TBL1XR1: variants seen among roughly 807,000 people sequenced by gnomAD.
The protein encoded by TBL1XR1 is TBL1X/Y related 1.
TBL1XR1 carries 5 observed loss-of-function variants against 66.9 expected under a neutral mutation model. The observed-to-expected ratio is 0.07, with a 90% CI of 0.04 to 0.16. The LOEUF (loss-of-function observed/expected upper bound fraction) is 0.16. TBL1XR1 is among the 10% of genes least tolerant of loss of function. The pLI, the probability that TBL1XR1 is intolerant of heterozygous loss-of-function variation, is 1.00. For synonymous variants in TBL1XR1, 210 were observed against 206.0 expected (o/e 1.02, Z -0.17); for missense variants, 238 against 623.2 (o/e 0.38, Z 6.58).
At chr3:177,070,170 T>C (rs987492874) in intron 2 of TBL1XR1, among the ~76,000 whole-genome samples, 8 of 152,168 alleles carry the variant, frequency 5.3e-5, no homozygotes, top group African/African-American at 1.9e-4. Context: ...TGAGTCACTT[T>C]GATTTAAGTC....
At chr3:177,120,827 C>CA (rs1221572205) in intron 1 of TBL1XR1, 1 of 152,244 alleles carries the variant, frequency 6.6e-6, no homozygotes, top group African/African-American at 2.4e-5. Context: ...TAATCACTAT[C>CA]ACATAGTGTA....
intron 2 of TBL1XR1, 114 bp from the exon 3 acceptor site, chr3:177,065,136 A>G (rs962925888): frequency 3.3e-6 from 2 of 609,594 alleles, no homozygotes; most frequent in Admixed American, 4.3e-5. Flanking sequence ...AAGGTTCTAC[A>G]TTGCCTAATA....
At chr3:177,064,205 A>G (rs10936927) in intron 3 of TBL1XR1, among the ~76,000 whole-genome samples, 54,535 of 152,078 alleles carry the variant, frequency 0.36, 10,097 homozygotes, top group East Asian at 0.5. Flanking sequence ...CATGACATTT[A>G]AAATCACCAA....
intron 10 of TBL1XR1, among the ~76,000 whole-genome samples, chr3:177,042,879 C>A (rs1325145555): frequency 6.6e-6 from 1 of 151,492 alleles, no homozygotes; most frequent in Non-Finnish European, 1.5e-5. Flanking sequence ...AACCTATGAG[C>A]GAAGAAGGAT....
chr3:177,098,906 A>G (rs1214436809), intron 1 of TBL1XR1, among the ~76,000 whole-genome samples: 1 of 152,244 alleles, frequency 6.6e-6, no homozygotes, highest in African/African-American at 2.4e-5. Flanking sequence ...ATAAACTTGC[A>G]TTCTATATTG....
chr3:177,118,322 C>T (rs1342525369), intron 1 of TBL1XR1, among the ~76,000 whole-genome samples: 3 of 152,206 alleles, frequency 2.0e-5, no homozygotes, highest in African/African-American at 4.8e-5. Context: ...AACAACTATA[C>T]GTCTTTCATG....
chr3:177,184,071 T>C (rs563280225), intron 1 of TBL1XR1, among the ~76,000 whole-genome samples: 1 of 152,262 alleles, frequency 6.6e-6, no homozygotes, highest in East Asian at 1.9e-4. Context: ...CCAAAACAGG[T>C]GCTCCCTTTC....
intron 2 of TBL1XR1, among the ~76,000 whole-genome samples, chr3:177,074,619 G>A (rs890760622): frequency 5.9e-5 from 9 of 152,022 alleles, no homozygotes; most frequent in Non-Finnish European, 1.0e-4. Flanking sequence ...TAACATCAAC[G>A]GAGCCCACTG....
intron 1 of TBL1XR1, among the ~76,000 whole-genome samples, chr3:177,191,224 G>GGTT (rs1167760559): frequency 6.6e-6 from 1 of 152,136 alleles, no homozygotes; most frequent in Non-Finnish European, 1.5e-5. Flanking sequence ...ATCCATTATG[G>GGTT]GTTCTCCAGC....
intron 1 of TBL1XR1, among the ~76,000 whole-genome samples, chr3:177,166,492 G>A (rs1431434398): frequency 2.6e-5 from 4 of 152,132 alleles, no homozygotes; most frequent in East Asian, 1.9e-4. Context: ...CTCATGGGAG[G>A]TGAATGGATC....
Position 177,173,042 on chromosome 3 carries a change from C to G in TBL1XR1, c.-122+24079G>C, listed in dbSNP as rs138560111. Among the ~76,000 whole-genome samples, 947 of 152,160 alleles carry G rather than the reference C, an allele frequency of 6.2e-3. 4 individuals are homozygous for G. Among genetic ancestry groups the G allele is most frequent in the Middle Eastern group, 0.01 (3 of 294 alleles). On this transcript the variant is annotated intron_variant, in intron 1 of 15. Transcript: ENST00000457928. The stretch of plus-strand genomic sequence containing the variant: ...AAACAAACAAAAAATACAAAATTAG[C>G]CGGGCGTGGTGATGCATGCCTGTAA...
intron 7 of TBL1XR1, chr3:177,047,908 A>T: frequency 4.9e-6 from 1 of 203,714 alleles, no homozygotes; most frequent in Non-Finnish European, 1.0e-5. Context: ...TAGTCTTACA[A>T]TGATTTATTA....
At chr3:177,198,904 ACACT>A (rs1737261974), upstream of TBL1XR1, among the ~76,000 whole-genome samples, 1 of 141,222 alleles carries the variant, frequency 7.1e-6, no homozygotes, top group Admixed American at 7.0e-5. Flanking sequence ...ACACACACAC[ACACT>A]ACTCGTAACT....
intron 2 of TBL1XR1, among the ~76,000 whole-genome samples, chr3:177,090,177 G>A (rs1722647753): frequency 1.3e-5 from 2 of 152,142 alleles, no homozygotes; most frequent in South Asian, 4.1e-4. Context: ...GCTATGAAGT[G>A]ATCTCCAGAA....
At chr3:177,065,737 A>G (rs769049337) in intron 2 of TBL1XR1, among the ~76,000 whole-genome samples, 10 of 152,264 alleles carry the variant, frequency 6.6e-5, no homozygotes, top group Non-Finnish European at 8.8e-5. Context: ...AAACTTTTAT[A>G]TAAAGAGCCA....
At chr3:177,133,526 T>C (rs1728550239) in intron 1 of TBL1XR1, among the ~76,000 whole-genome samples, 1 of 152,206 alleles carries the variant, frequency 6.6e-6, no homozygotes, top group Admixed American at 6.5e-5. Context: ...AGTTGGACTA[T>C]AATAATACAC....
intron 1 of TBL1XR1, among the ~76,000 whole-genome samples, chr3:177,115,009 A>G (rs1681650): frequency 0.53 from 80,652 of 151,342 alleles, 21,807 homozygotes; most frequent in East Asian, 0.73. Flanking sequence ...TAATAATAAT[A>G]ATGATTTTTA....
chr3:177,068,599 A>G (rs1284220698), intron 2 of TBL1XR1, among the ~76,000 whole-genome samples: 1 of 152,220 alleles, frequency 6.6e-6, no homozygotes, highest in African/African-American at 2.4e-5. Flanking sequence ...AACTCAGTTC[A>G]GCATATACTC....
intron 2 of TBL1XR1, among the ~76,000 whole-genome samples, chr3:177,094,187 C>G (rs188019703): frequency 5.3e-5 from 8 of 151,820 alleles, no homozygotes; most frequent in Non-Finnish European, 1.2e-4. Flanking sequence ...AGACAATTCT[C>G]AAAAGATATA....
Sources: allele counts gnomAD v4.1 joint callset (sites outside exome capture counted in the v4.1 genomes callset), GRCh38; gene constraint gnomAD v4.1.1; transcripts MANE v1.5; gene names NCBI Gene and HGNC (gene_info 2026-07-23, HGNC 2026-07-21).